The following NCOA2 variants were observed in gnomAD, a reference collection of about 807,000 sequenced individuals.
The protein encoded by NCOA2 is nuclear receptor coactivator 2, also known as class E basic helix-loop-helix protein 75.
In NCOA2, 21 loss-of-function variants were observed where a neutral mutation model predicts 145.1. That is an observed-to-expected ratio of 0.14 (90% CI 0.10 to 0.21). NCOA2 has a LOEUF of 0.21. NCOA2 is among the 10% of genes least tolerant of loss of function. The probability of loss-of-function intolerance (pLI) is 1.00; values close to 1 mark genes in which losing one functional copy is unlikely to be tolerated. For synonymous variants in NCOA2, 619 were observed against 637.5 expected, an observed-to-expected ratio of 0.97 and a Z score of 0.44; for missense variants, 1,472 against 1,837.6, an observed-to-expected ratio of 0.80 and a Z score of 3.64.
intron 2 of NCOA2, among the ~76,000 whole-genome samples, chr8:70,270,550 G>A (rs1464602270): frequency 6.6e-6 from 1 of 151,866 alleles, no homozygotes; most frequent in Non-Finnish European, 1.5e-5. Context: ...AGTGTGTGCT[G>A]TAGTCGGGGT....
chr8:70,374,444 C>T (rs1040696232), intron 1 of NCOA2, among the ~76,000 whole-genome samples: 2 of 151,026 alleles, frequency 1.3e-5, no homozygotes, highest in African/African-American at 4.9e-5. Context: ...AGCATTCCAG[C>T]CTGGGCAACA....
At position 70,157,159 on chromosome 8, in the gene NCOA2, G is replaced by A. The variant is rs200881821; in HGVS notation, c.1206C>T (p.Ser402=). The change falls in exon 11 of 23, where the codon AGC becomes AGT. Residue 402 remains serine, a synonymous_variant. Coordinates refer to ENST00000452400, the MANE Select transcript of NCOA2 (RefSeq NM_006540.4). ...GKPLNPISSN[S]PAHQALCSGN... Reference sequence around the variant, plus strand: ...CACTGCACAGGGCCTGATGGGCAGGGCTGTTAGAGCTAATTGGATTCAGTG... The same window carrying A: ...CACTGCACAGGGCCTGATGGGCAGGACTGTTAGAGCTAATTGGATTCAGTG... 1 of 1,608,466 alleles carries A rather than the reference G, an allele frequency of 6.2e-7. No individual in the cohort carries two copies. The highest frequency in any genetic ancestry group is 8.5e-7 in the Non-Finnish European group (1 of 1,176,218).
chr8:70,132,108 G>T, intron 15 of NCOA2, 106 bp from the exon 16 acceptor site: 4 of 1,146,594 alleles, frequency 3.5e-6, no homozygotes, highest in South Asian at 1.5e-5. Context: ...CAGGGTTGTT[G>T]CAACAAACTA....
intron 2 of NCOA2, among the ~76,000 whole-genome samples, chr8:70,285,278 T>A (rs925561854): frequency 1.3e-5 from 2 of 152,234 alleles, no homozygotes; most frequent in Non-Finnish European, 2.9e-5. Flanking sequence ...CCAAGTGTTA[T>A]GAGTTCCTAT....
chr8:70,123,909 C>A lies in NCOA2; in HGVS notation c.4268G>T (p.Gly1423Val), dbSNP rs1808114213. The A allele has an allele frequency of 6.2e-7, 1 of 1,613,376 alleles. No homozygotes were observed. The highest frequency in any genetic ancestry group is 8.5e-7 in the Non-Finnish European group (1 of 1,179,652). Residue 1423 changes from glycine to valine, a missense_variant, in exon 21 of 23, where the codon GGG becomes GTG. Transcript: ENST00000452400. Reference protein sequence around the residue: ...MTSVTSVPTSGLSSMGPEQVN... With the variant: ...MTSVTSVPTSVLSSMGPEQVN... ...CTGCTCGGGACCCATGGAGGACAGCCCTGACGTAGGCACGGAGGTCACTGA... is the reference window on the plus strand; with the variant it reads ...CTGCTCGGGACCCATGGAGGACAGCACTGACGTAGGCACGGAGGTCACTGA...
intron 2 of NCOA2, among the ~76,000 whole-genome samples, chr8:70,285,797 T>C (rs1282638643): frequency 1.3e-5 from 2 of 152,122 alleles, no homozygotes; most frequent in Non-Finnish European, 2.9e-5. Context: ...ACCGGTTGGA[T>C]GGGGAATGAA....
At chr8:70,408,218 T>C (rs1814811686), upstream of NCOA2, among the ~76,000 whole-genome samples, 1 of 152,084 alleles carries the variant, frequency 6.6e-6, no homozygotes, top group Admixed American at 6.6e-5. Context: ...GACAAGAAAA[T>C]GAATTGGAAG....
chr8:70,178,442 G>A (rs1815106669), intron 4 of NCOA2, among the ~76,000 whole-genome samples: 1 of 152,204 alleles, frequency 6.6e-6, no homozygotes, highest in Non-Finnish European at 1.5e-5. Context: ...ATATTTAAGA[G>A]GAAGAAAGCA....
At chr8:70,177,486 G>T (rs1814998096) in intron 4 of NCOA2, among the ~76,000 whole-genome samples, 1 of 152,176 alleles carries the variant, frequency 6.6e-6, no homozygotes, top group African/African-American at 2.4e-5. Context: ...AAGCATGGGA[G>T]CAAGTGGGAT....
At chr8:70,436,410 C>T in the NCOA2 span, among the ~76,000 whole-genome samples, 13 of 152,194 alleles carry the variant, frequency 8.5e-5, no homozygotes, top group Non-Finnish European at 1.8e-4. Flanking sequence ...GATCACACAG[C>T]ATTCCTAGGA....
intron 4 of NCOA2, among the ~76,000 whole-genome samples, chr8:70,210,417 G>A (rs1464515233): frequency 1.3e-5 from 2 of 152,100 alleles, no homozygotes; most frequent in African/African-American, 4.8e-5. Flanking sequence ...CAACATGTAC[G>A]GAATTCTCTA....
intron 1 of NCOA2, among the ~76,000 whole-genome samples, chr8:70,364,815 A>T (rs1349823923): frequency 6.7e-6 from 1 of 149,010 alleles, no homozygotes; most frequent in East Asian, 2.1e-4. Context: ...CAGTTCTATA[A>T]AGTAAAAAGG....
At chr8:70,341,116 A>C (rs1808106539) in intron 1 of NCOA2, among the ~76,000 whole-genome samples, 1 of 149,488 alleles carries the variant, frequency 6.7e-6, no homozygotes, top group African/African-American at 2.5e-5. Flanking sequence ...TAGGCTGGGC[A>C]TGGTGGCTCA....
chr8:70,281,414 A>T (rs1432693715), intron 2 of NCOA2, among the ~76,000 whole-genome samples: 1 of 151,836 alleles, frequency 6.6e-6, no homozygotes, highest in Non-Finnish European at 1.5e-5. Context: ...CAGGTATGAA[A>T]GACTCTGCAG....
At position 70,392,827 on chromosome 8, in the gene NCOA2, T is replaced by A. The variant is rs1301742114; in HGVS notation, c.-77+10873A>T. On this transcript the variant is annotated intron_variant, in intron 1 of 22. Transcript: ENST00000452400. ...ATTTAATAAGTCCAGGTGTGAAAAA[T>A]GTCCAATTTTACTGAAGTGACAAAG... Among the ~76,000 whole-genome samples the A allele has an allele frequency of 2.6e-5, 4 of 152,234 alleles. No homozygotes were observed. The East Asian group carries it at 5.8e-4, about 22-fold the overall frequency.
chr8:70,388,441 G>C (rs1347437933), intron 1 of NCOA2, among the ~76,000 whole-genome samples: 1 of 152,196 alleles, frequency 6.6e-6, no homozygotes, highest in East Asian at 1.9e-4. Context: ...GCAGCTCTGA[G>C]GCCTTCCTTC....
intron 2 of NCOA2, among the ~76,000 whole-genome samples, chr8:70,241,084 T>C (rs1305944629): frequency 6.6e-6 from 1 of 152,142 alleles, no homozygotes; most frequent in Non-Finnish European, 1.5e-5. Flanking sequence ...TATACCTTCC[T>C]CCTCTTTATG....
At chr8:70,145,621 CTTT>C (rs527848276) in intron 12 of NCOA2, among the ~76,000 whole-genome samples, 10 of 140,564 alleles carry the variant, frequency 7.1e-5, no homozygotes, top group Admixed American at 2.1e-4. Flanking sequence ...GTGCCCAGCC[CTTT>C]TTTTTTTTTT....
At chr8:70,226,347 C>T (rs924710447) in intron 2 of NCOA2, among the ~76,000 whole-genome samples, 2 of 151,932 alleles carry the variant, frequency 1.3e-5, no homozygotes, top group Non-Finnish European at 2.9e-5. Flanking sequence ...AACAAACAAA[C>T]TAAAACCTAG....
Sources: gnomAD v4.1 joint callset for allele counts (sites outside exome capture counted in the v4.1 genomes callset) on GRCh38, gnomAD v4.1.1 for gene constraint, MANE v1.5 for transcripts, NCBI Gene and HGNC (gene_info 2026-07-23, HGNC 2026-07-21) for gene names.